Variants in TACR1 observed in about 807,000 individuals in gnomAD.
TACR1 encodes substance-P receptor.
TACR1 carries 25 observed loss-of-function variants against 35.8 expected under a neutral mutation model. The ratio of observed to expected loss-of-function variants is 0.70; its 90% CI spans 0.51 to 0.98. The LOEUF (loss-of-function observed/expected upper bound fraction) is 0.98, where lower values mean the gene tolerates loss of function less well. Among genes scored for constraint, TACR1 ranks in the 50% least tolerant of loss-of-function variants. The pLI is 0.00. For synonymous variants in TACR1, 195 were observed against 206.7 expected (o/e 0.94, Z 0.48); for missense variants, 478 against 522.9 (o/e 0.91, Z 0.84).
chr2:75,198,012 C>A (rs1676035207), intron 1 of TACR1, among the ~76,000 whole-genome samples: 1 of 152,104 alleles, frequency 6.6e-6, no homozygotes, highest in Non-Finnish European at 1.5e-5. Context: ...AACCAACCAA[C>A]CAAACAACAA....
intron 1 of TACR1, among the ~76,000 whole-genome samples, chr2:75,122,247 G>A (rs1342563842): frequency 1.3e-5 from 2 of 152,172 alleles, no homozygotes; most frequent in Non-Finnish European, 2.9e-5. Flanking sequence ...GAGGGGCTTC[G>A]ACAGGTGTGC....
intron 2 of TACR1, among the ~76,000 whole-genome samples, chr2:75,102,265 A>T (rs548831940): frequency 6.6e-6 from 1 of 152,120 alleles, no homozygotes; most frequent in Non-Finnish European, 1.5e-5. Context: ...CATATGAGAC[A>T]CTCCCACAGA....
rs1049290387 is a variant in TACR1 at position 75,118,208 on chromosome 2, C to G, written c.584+2366G>C. The stretch of plus-strand genomic sequence containing the variant: ...TTAGACATGGTAAAATTGAAATTGT[C>G]TAGAAAAATAATATAATGTATTATG... On this transcript the variant is annotated intron_variant, in intron 2 of 4. Coordinates refer to ENST00000305249, the MANE Select transcript of TACR1 (RefSeq NM_001058.4). 7.2e-5 allele frequency among the ~76,000 whole-genome samples: 11 copies of G among 152,124 alleles called. No homozygotes were observed. The East Asian group carries it at 1.3e-3, about 19-fold the overall frequency.
intron 2 of TACR1, among the ~76,000 whole-genome samples, chr2:75,083,961 A>T (rs1438051525): frequency 6.6e-6 from 1 of 152,028 alleles, no homozygotes; most frequent in Non-Finnish European, 1.5e-5. Context: ...TTCCAACACT[A>T]TGTTGAATAG....
chr2:75,110,558 A>C (rs1673730432), intron 2 of TACR1, among the ~76,000 whole-genome samples: 1 of 151,958 alleles, frequency 6.6e-6, no homozygotes, highest in South Asian at 2.1e-4. Flanking sequence ...TGAAACATAC[A>C]AGGGGCACTA....
intron 1 of TACR1, among the ~76,000 whole-genome samples, chr2:75,174,777 C>A (rs1240335339): frequency 6.6e-6 from 1 of 152,022 alleles, no homozygotes; most frequent in African/African-American, 2.4e-5. Flanking sequence ...ATCAATTCTC[C>A]CTGGTGAGAA....
chr2:75,116,263 C>A (rs748562669), intron 2 of TACR1, among the ~76,000 whole-genome samples: 2 of 152,078 alleles, frequency 1.3e-5, no homozygotes, highest in African/African-American at 4.8e-5. Flanking sequence ...CTTGCCACCA[C>A]GCAGAGCTAA....
In TACR1 at chr2:75,117,060, T is replaced by A. The variant is rs552734964; in HGVS notation, c.584+3514A>T. 4.6e-5 allele frequency among the ~76,000 whole-genome samples: 7 copies of A among 152,346 alleles called. No homozygotes were observed. The East Asian group carries it at 1.2e-3, about 25-fold the overall frequency. ...ATGGCTGTGTAGTAAGATCTCATTA[T>A]CACTTTAATTTGCATTTCACTGGTA... On this transcript the variant is annotated intron_variant, in intron 2 of 4. Coordinates refer to ENST00000305249, the MANE Select transcript of TACR1 (RefSeq NM_001058.4).
chr2:75,080,925 G>C (rs564346829), intron 2 of TACR1, among the ~76,000 whole-genome samples: 1 of 151,782 alleles, frequency 6.6e-6, no homozygotes, highest in Non-Finnish European at 1.5e-5. Flanking sequence ...GAAGGAAGCC[G>C]TGGGTAGAAA....
At chr2:75,108,883 T>C (rs934104092) in intron 2 of TACR1, among the ~76,000 whole-genome samples, 1 of 152,194 alleles carries the variant, frequency 6.6e-6, no homozygotes, top group Non-Finnish European at 1.5e-5. Flanking sequence ...TTAAGCTCCA[T>C]GTAGTTAATT....
At chr2:75,099,638 G>A (rs923698417) in intron 2 of TACR1, among the ~76,000 whole-genome samples, 2 of 152,142 alleles carry the variant, frequency 1.3e-5, no homozygotes, top group African/African-American at 4.8e-5. Context: ...AGGTTTGCGC[G>A]GCCAGGTTGA....
chr2:75,061,182 C>CAGGGGAGAGGCTGG (rs2103797156), intron 2 of TACR1, among the ~76,000 whole-genome samples: 1 of 146,278 alleles, frequency 6.8e-6, no homozygotes, highest in Non-Finnish European at 1.5e-5. Flanking sequence ...GGGGCAATTC[C>CAGGGGAGAGGCTGG]AGGGGAGAGG....
chr2:75,173,091 C>T lies in TACR1; in HGVS notation c.389+25455G>A, dbSNP rs188440554. Among the ~76,000 whole-genome samples the T allele has an allele frequency of 2.0e-4, 31 of 152,102 alleles. No individual in the cohort carries two copies. The East Asian group carries it at 5.0e-3, about 25-fold the overall frequency. On this transcript the variant is annotated intron_variant, in intron 1 of 4. Coordinates refer to ENST00000305249, the MANE Select transcript of TACR1 (RefSeq NM_001058.4). ...GAATCTTGGGGTGGGGGGTCAGGAACGGACACAATTCAACCCATAACAGTG... is the reference window on the plus strand; with the variant it reads ...GAATCTTGGGGTGGGGGGTCAGGAATGGACACAATTCAACCCATAACAGTG...
chr2:75,133,990 G>A (rs974088205), intron 1 of TACR1, among the ~76,000 whole-genome samples: 1 of 152,144 alleles, frequency 6.6e-6, no homozygotes, highest in Non-Finnish European at 1.5e-5. Flanking sequence ...ACTTCTGGTC[G>A]TCCTCACTGT....
At chr2:75,153,882 T>G (rs1345540722) in intron 1 of TACR1, among the ~76,000 whole-genome samples, 1 of 151,266 alleles carries the variant, frequency 6.6e-6, no homozygotes, top group Non-Finnish European at 1.5e-5. Flanking sequence ...AGTATTCTAA[T>G]CAGATTCATT....
At chr2:75,122,730 A>G (rs1673994283) in intron 1 of TACR1, among the ~76,000 whole-genome samples, 1 of 152,198 alleles carries the variant, frequency 6.6e-6, no homozygotes, top group Non-Finnish European at 1.5e-5. Flanking sequence ...TATCACTCAA[A>G]TGCTGTCTGC....
At chr2:75,094,859 A>ATTTT (rs58283121) in intron 2 of TACR1, among the ~76,000 whole-genome samples, 132 of 113,062 alleles carry the variant, frequency 1.2e-3, no homozygotes, top group Non-Finnish European at 1.7e-3. Context: ...ATATATATAT[A>ATTTT]TTTTTTTTTT....
chr2:75,138,463 A>G (rs1453113733), intron 1 of TACR1, among the ~76,000 whole-genome samples: 1 of 152,240 alleles, frequency 6.6e-6, no homozygotes, highest in East Asian at 1.9e-4. Context: ...CAAGTATTAT[A>G]GAAATACACT....
intron 1 of TACR1, among the ~76,000 whole-genome samples, chr2:75,146,859 T>A (rs1674526974): frequency 6.6e-6 from 1 of 152,198 alleles, no homozygotes; most frequent in Non-Finnish European, 1.5e-5. Context: ...TATTTTAACA[T>A]GAAATGTGCT....
Sources: gnomAD v4.1 joint callset for allele counts (sites outside exome capture counted in the v4.1 genomes callset) on GRCh38, gnomAD v4.1.1 for gene constraint, MANE v1.5 for transcripts, NCBI Gene and HGNC (gene_info 2026-07-23, HGNC 2026-07-21) for gene names.